The following CCSER1 variants were observed in gnomAD, a reference collection of about 807,000 sequenced individuals.
The protein encoded by CCSER1 is serine-rich coiled-coil domain-containing protein 1.
In CCSER1, 41 loss-of-function variants were observed where a neutral mutation model predicts 82.0. The ratio of observed to expected loss-of-function variants is 0.50; its 90% confidence interval spans 0.39 to 0.65. The LOEUF is 0.65. Among genes scored for constraint, CCSER1 ranks in the 30% least tolerant of loss-of-function variants. CCSER1 has a pLI of 0.00. For missense variants in CCSER1, 1,119 were observed against 1,064.2 expected, an observed-to-expected ratio of 1.05 and a Z score of -0.72; for synonymous variants, 414 against 383.9, an observed-to-expected ratio of 1.08 and a Z score of -0.92.
intron 8 of CCSER1, 65 bp from the exon 9 acceptor site, chr4:90,923,305 A>G (rs921600135): frequency 1.9e-6 from 2 of 1,080,676 alleles, no homozygotes; most frequent in African/African-American, 1.6e-5. Context: ...TAATAAGTGG[A>G]GAATATTAGT....
In CCSER1 at chr4:90,221,560, TGA is replaced by T. The variant is rs576961848; in HGVS notation, c.-41-86683_-41-86682del. Among the ~76,000 whole-genome samples, 155 of 152,296 alleles carry T rather than the reference TGA, an allele frequency of 1.0e-3. 6 individuals are homozygous for T. In the South Asian group the frequency reaches 0.031, roughly 30 times the overall value. ...GTCTTCGCTTGTCATTTTTTGATAT[TGA>T]TACCTGGAATTCTGATCAAACCTCA... On this transcript the variant is annotated intron_variant, in intron 1 of 10. Coordinates refer to ENST00000509176, the MANE Select transcript of CCSER1 (RefSeq NM_001145065.2).
At chr4:91,512,855 C>T (rs1759900044) in intron 10 of CCSER1, among the ~76,000 whole-genome samples, 1 of 152,028 alleles carries the variant, frequency 6.6e-6, no homozygotes, top group African/African-American at 2.4e-5. Context: ...ATTCCAGGAG[C>T]CTTTTGGTGG....
intron 5 of CCSER1, among the ~76,000 whole-genome samples, chr4:90,550,896 C>T (rs1184669206): frequency 6.6e-6 from 1 of 152,102 alleles, no homozygotes; most frequent in African/African-American, 2.4e-5. Flanking sequence ...TAACATCGTT[C>T]TAGTTGCAAA....
chr4:91,372,769 G>A (rs1349597490), intron 10 of CCSER1, among the ~76,000 whole-genome samples: 1 of 151,840 alleles, frequency 6.6e-6, no homozygotes, highest in Non-Finnish European at 1.5e-5. Flanking sequence ...CTTCTGTGTA[G>A]CGGGTGCACA....
At chr4:91,153,366 C>A (rs1401886918) in intron 10 of CCSER1, among the ~76,000 whole-genome samples, 1 of 152,040 alleles carries the variant, frequency 6.6e-6, no homozygotes, top group South Asian at 2.1e-4. Flanking sequence ...TCCATCAGGT[C>A]ATTTAAGGTC....
At chr4:90,613,840 G>A (rs7670537) in intron 5 of CCSER1, among the ~76,000 whole-genome samples, 55,632 of 151,934 alleles carry the variant, frequency 0.37, 11,934 homozygotes, top group African/African-American at 0.6. Flanking sequence ...TTACACTCCT[G>A]TGACCAGCTT....
At chr4:90,558,217 C>A (rs1778351485) in intron 5 of CCSER1, among the ~76,000 whole-genome samples, 1 of 152,078 alleles carries the variant, frequency 6.6e-6, no homozygotes, top group African/African-American at 2.4e-5. Flanking sequence ...CTTTCTCTAG[C>A]ATAGCTGGGT....
intron 5 of CCSER1, among the ~76,000 whole-genome samples, chr4:90,594,856 A>G (rs2148712806): frequency 6.6e-6 from 1 of 152,230 alleles, no homozygotes; most frequent in East Asian, 1.9e-4. Flanking sequence ...CTAGCTAACA[A>G]CCACAACACC....
chr4:91,474,757 A>T (rs532093253), intron 10 of CCSER1, among the ~76,000 whole-genome samples: 1,411 of 86,426 alleles, frequency 0.016, 18 homozygotes, highest in African/African-American at 0.058. Context: ...ACACACACAC[A>T]CATGTGTGTG....
chr4:90,757,327 T>G (rs981143733), intron 7 of CCSER1, among the ~76,000 whole-genome samples: 2 of 152,214 alleles, frequency 1.3e-5, no homozygotes, highest in African/African-American at 4.8e-5. Context: ...TCAAAGTTAC[T>G]GTCCTTTTAA....
chr4:91,024,237 A>T lies in CCSER1; in HGVS notation c.2173-61713A>T, dbSNP rs1414789269. 2.0e-5 allele frequency among the ~76,000 whole-genome samples: 3 copies of T among 152,178 alleles called. 1 individual carries two copies. Among genetic ancestry groups the T allele is most frequent in the African/African-American group, 7.2e-5 (3 of 41,458 alleles). Reference sequence around the variant, plus strand: ...AACATGAGTTTTCAAGGGGACATTAAAACCATACCAAGTTTAGAAACTGAA... The same window carrying T: ...AACATGAGTTTTCAAGGGGACATTATAACCATACCAAGTTTAGAAACTGAA... On this transcript the variant is annotated intron_variant, in intron 9 of 10. Transcript: ENST00000509176.
At chr4:91,377,964 A>G (rs559622420) in intron 10 of CCSER1, among the ~76,000 whole-genome samples, 62 of 152,354 alleles carry the variant, frequency 4.1e-4, no homozygotes, top group Non-Finnish European at 5.9e-4. Context: ...AACTTTCTAC[A>G]TATGGCTAGC....
intron 6 of CCSER1, among the ~76,000 whole-genome samples, chr4:90,672,020 G>A (rs1171365468): frequency 6.6e-6 from 1 of 152,042 alleles, no homozygotes; most frequent in Non-Finnish European, 1.5e-5. Flanking sequence ...AGAATATTCA[G>A]TGAGCCATGT....
chr4:90,187,410 G>A (rs901304632), intron 1 of CCSER1, among the ~76,000 whole-genome samples: 1 of 147,650 alleles, frequency 6.8e-6, no homozygotes, highest in African/African-American at 2.5e-5. Flanking sequence ...GTGGTAGATG[G>A]TAATTACCTC....
At chr4:91,047,628 T>C (rs948412283) in intron 9 of CCSER1, among the ~76,000 whole-genome samples, 2 of 152,184 alleles carry the variant, frequency 1.3e-5, no homozygotes, top group African/African-American at 4.8e-5. Flanking sequence ...AGTATTGTCA[T>C]TTAGATTTCA....
Position 90,625,533 on chromosome 4 carries a change from A to G in CCSER1, c.1725-2492A>G, listed in dbSNP as rs73833737. On this transcript the variant is annotated intron_variant, in intron 5 of 10. Coordinates refer to ENST00000509176, the MANE Select transcript of CCSER1 (RefSeq NM_001145065.2). Reference sequence around the variant, plus strand: ...ATTACCATAGCCTTGTAGCAGATCTATTTTTTCATGTAGAGATAAAATGTT... The same window carrying G: ...ATTACCATAGCCTTGTAGCAGATCTGTTTTTTCATGTAGAGATAAAATGTT... Among the ~76,000 whole-genome samples, 454 of 152,168 alleles carry G rather than the reference A, an allele frequency of 3.0e-3. 3 individuals are homozygous for G. Among genetic ancestry groups the G allele is most frequent in the African/African-American group, 0.011 (436 of 41,516 alleles).
intron 8 of CCSER1, among the ~76,000 whole-genome samples, chr4:90,869,717 ATT>A (rs35693099): frequency 1.5e-3 from 219 of 148,276 alleles, no homozygotes; most frequent in African/African-American, 3.8e-3. Flanking sequence ...AAATTTTAGG[ATT>A]TTTTTTTTTC....
intron 4 of CCSER1, among the ~76,000 whole-genome samples, chr4:90,463,086 T>A (rs1763153836): frequency 6.6e-6 from 1 of 152,186 alleles, no homozygotes; most frequent in Non-Finnish European, 1.5e-5. Flanking sequence ...ATTGATAATT[T>A]TGATGCAATT....
At chr4:91,146,338 T>G (rs563243796) in intron 10 of CCSER1, among the ~76,000 whole-genome samples, 1 of 152,332 alleles carries the variant, frequency 6.6e-6, no homozygotes, top group South Asian at 2.1e-4. Flanking sequence ...TTTGGCTTTC[T>G]TTCGATTTCA....
Sources: gnomAD v4.1 joint callset for allele counts (sites outside exome capture counted in the v4.1 genomes callset) on GRCh38, gnomAD v4.1.1 for gene constraint, MANE v1.5 for transcripts, NCBI Gene and HGNC (gene_info 2026-07-23, HGNC 2026-07-21) for gene names.